Variants in PRR5L observed in about 807,000 individuals in gnomAD.
PRR5L encodes the protein proline rich 5 like.
Under a neutral mutation model 36.4 loss-of-function variants are expected in PRR5L, and 21 were observed. The ratio of observed to expected loss-of-function variants is 0.58; its 90% CI spans 0.41 to 0.83. The LOEUF (loss-of-function observed/expected upper bound fraction) is 0.83. PRR5L is among the 40% of genes least tolerant of loss of function. The probability of loss-of-function intolerance (pLI) is 0.00; values close to 1 mark genes in which losing one functional copy is unlikely to be tolerated. For missense variants in PRR5L, 381 were observed against 473.3 expected, an observed-to-expected ratio of 0.80 and a Z score of 1.81; for synonymous variants, 188 against 197.0, an observed-to-expected ratio of 0.95 and a Z score of 0.38.
At chr11:36,456,313 G>C (rs941078602) in intron 8 of PRR5L, among the ~76,000 whole-genome samples, 6 of 152,140 alleles carry the variant, frequency 3.9e-5, no homozygotes, top group African/African-American at 1.4e-4. Flanking sequence ...CACATCCTTG[G>C]CCTTGCCTTG....
At chr11:36,382,571 A>C (rs1857388527) in intron 1 of PRR5L, among the ~76,000 whole-genome samples, 1 of 152,172 alleles carries the variant, frequency 6.6e-6, no homozygotes, top group East Asian at 1.9e-4. Flanking sequence ...GATTCTGTTG[A>C]TTCCCAGACT....
intron 1 of PRR5L, among the ~76,000 whole-genome samples, chr11:36,357,334 T>A (rs1490450552): frequency 1.3e-5 from 2 of 152,230 alleles, no homozygotes; most frequent in Non-Finnish European, 2.9e-5. Context: ...GGCTGATGGA[T>A]AAGCTGCAGT....
At chr11:36,373,883 A>G (rs1389997913) in intron 1 of PRR5L, among the ~76,000 whole-genome samples, 1 of 152,126 alleles carries the variant, frequency 6.6e-6, no homozygotes, top group African/African-American at 2.4e-5. Flanking sequence ...GTTCATTTCT[A>G]TGTCATTTGC....
At chr11:36,397,500 AGG>A (rs1323611734) in intron 1 of PRR5L, among the ~76,000 whole-genome samples, 1 of 108,606 alleles carries the variant, frequency 9.2e-6, no homozygotes, top group Admixed American at 1.5e-4. Flanking sequence ...TTTGTTGCCC[AGG>A]CTGGAGTGCA....
chr11:36,353,176 A>C (rs1440547017), intron 1 of PRR5L, among the ~76,000 whole-genome samples: 2 of 152,154 alleles, frequency 1.3e-5, no homozygotes, highest in African/African-American at 4.8e-5. Context: ...CATCCTTGCC[A>C]CTAGATGCCA....
At chr11:36,414,574 G>A (rs1184920159) in intron 3 of PRR5L, among the ~76,000 whole-genome samples, 1 of 140,966 alleles carries the variant, frequency 7.1e-6, no homozygotes, top group Non-Finnish European at 1.5e-5. Context: ...TTTTTTTCTT[G>A]TAAATTTGTT....
intron 1 of PRR5L, among the ~76,000 whole-genome samples, chr11:36,308,904 A>G (rs1179298558): frequency 6.6e-6 from 1 of 152,246 alleles, no homozygotes; most frequent in African/African-American, 2.4e-5. Context: ...GTCACATGGA[A>G]CAGACACAAA....
At chr11:36,413,504 G>T (rs778497349) in intron 3 of PRR5L, among the ~76,000 whole-genome samples, 2 of 151,998 alleles carry the variant, frequency 1.3e-5, no homozygotes, top group Non-Finnish European at 2.9e-5. Context: ...AAAATTTTAC[G>T]CATATAGCAA....
At chr11:36,360,430 G>A (rs978736156) in intron 1 of PRR5L, among the ~76,000 whole-genome samples, 2 of 152,198 alleles carry the variant, frequency 1.3e-5, no homozygotes, top group African/African-American at 2.4e-5. Context: ...AAATGGGGAC[G>A]AGAGATGTCA....
At chr11:36,376,172 C>G in intron 1 of PRR5L, 2 of 1,304,588 alleles carry the variant, frequency 1.5e-6, no homozygotes, top group Non-Finnish European at 2.0e-6. Context: ...AGTGCAGGGC[C>G]CCCCTCTCCG....
At chr11:36,457,541 G>A (rs1467825907) in intron 8 of PRR5L, among the ~76,000 whole-genome samples, 2 of 151,726 alleles carry the variant, frequency 1.3e-5, no homozygotes, top group African/African-American at 2.4e-5. Context: ...AGTAGGCAGC[G>A]CTTGTAGTGA....
chr11:36,361,516 C>T (rs1473623551), intron 1 of PRR5L, among the ~76,000 whole-genome samples: 2 of 152,076 alleles, frequency 1.3e-5, no homozygotes, highest in Non-Finnish European at 1.5e-5. Flanking sequence ...CTTTAAGGCT[C>T]ATAATAATTT....
chr11:36,349,646 C>G (rs1856907142), intron 1 of PRR5L, among the ~76,000 whole-genome samples: 1 of 152,182 alleles, frequency 6.6e-6, no homozygotes, highest in Non-Finnish European at 1.5e-5. Context: ...GTGTTTGAGG[C>G]ACATCTTCCC....
intron 1 of PRR5L, among the ~76,000 whole-genome samples, chr11:36,368,485 G>A (rs959757279): frequency 1.2e-4 from 18 of 152,178 alleles, no homozygotes; most frequent in African/African-American, 4.1e-4. Flanking sequence ...TTTGAACAGC[G>A]ATTCTCAAAA....
At chr11:36,373,192 T>C (rs1347798887) in intron 1 of PRR5L, among the ~76,000 whole-genome samples, 2 of 152,118 alleles carry the variant, frequency 1.3e-5, no homozygotes, top group African/African-American at 4.8e-5. Flanking sequence ...ATTTCAGAGG[T>C]TGTGGACATG....
intron 1 of PRR5L, among the ~76,000 whole-genome samples, chr11:36,324,356 A>G (rs1020251287): frequency 6.6e-6 from 1 of 152,216 alleles, no homozygotes; most frequent in African/African-American, 2.4e-5. Flanking sequence ...GACAATATTT[A>G]TAGATGTCAA....
At chr11:36,320,136 C>T (rs570001758) in intron 1 of PRR5L, among the ~76,000 whole-genome samples, 1 of 151,900 alleles carries the variant, frequency 6.6e-6, no homozygotes, top group Non-Finnish European at 1.5e-5. Context: ...AGACTTGTGT[C>T]GTCGTACCTC....
At chr11:36,365,683 T>A (rs16928711) in intron 1 of PRR5L, among the ~76,000 whole-genome samples, 1,689 of 152,322 alleles carry the variant, frequency 0.011, 41 homozygotes, top group African/African-American at 0.039. Context: ...AATGCCCATC[T>A]AGGATAGCTA....
intron 1 of PRR5L, among the ~76,000 whole-genome samples, chr11:36,322,518 C>CT (rs1457264710): frequency 3.3e-5 from 5 of 152,160 alleles, no homozygotes; most frequent in African/African-American, 1.2e-4. Flanking sequence ...TTGGGGAATT[C>CT]TTTCTCTAGT....
Sources: gnomAD v4.1 joint callset for allele counts (sites outside exome capture counted in the v4.1 genomes callset) on GRCh38, gnomAD v4.1.1 for gene constraint, MANE v1.5 for transcripts, NCBI Gene and HGNC (gene_info 2026-07-23, HGNC 2026-07-21) for gene names.